The following ACTN4 variants were observed in gnomAD, a reference collection of about 807,000 sequenced individuals.
ACTN4 encodes alpha-actinin-4.
Under a neutral mutation model 114.2 loss-of-function variants are expected in ACTN4, and 18 were observed. The observed-to-expected ratio is 0.16, with a 90% confidence interval of 0.11 to 0.23. The LOEUF (loss-of-function observed/expected upper bound fraction) is 0.23, where lower values mean the gene tolerates loss of function less well. Among genes scored for constraint, ACTN4 ranks in the 10% least tolerant of loss-of-function variants. The probability of loss-of-function intolerance (pLI) is 1.00; values close to 1 mark genes in which losing one functional copy is unlikely to be tolerated. For missense variants in ACTN4, 722 were observed against 1,262.9 expected (o/e 0.57, Z 6.49); for synonymous variants, 515 against 506.3 (o/e 1.02, Z -0.23).
At chr19:38,718,264 C>T in intron 11 of ACTN4, 190 bp downstream of exon 11, 1 of 996,444 alleles carries the variant, frequency 1.0e-6, no homozygotes, top group Non-Finnish European at 1.5e-6. Context: ...CAGTGGCTCA[C>T]ACCTGTAATC....
Position 38,721,524 on chromosome 19 carries a change from T to C in ACTN4, c.1292-14T>C. On this transcript the variant is annotated splice_polypyrimidine_tract_variant and intron_variant, in intron 11 of 20. Transcript: ENST00000252699. The stretch of plus-strand genomic sequence containing the variant: ...TGCCGTGCTGTGGTCTAAGCGTCTC[T>C]CTGCTCCTACCAGGGAAGGAAGCCA... 1 of 1,613,636 alleles carries C rather than the reference T, an allele frequency of 6.2e-7. No homozygotes were observed. The highest frequency in any genetic ancestry group is 1.1e-5 in the South Asian group (1 of 91,086).
chr19:38,670,993 AC>A (rs1325171737), intron 1 of ACTN4, among the ~76,000 whole-genome samples: 1 of 150,584 alleles, frequency 6.6e-6, no homozygotes, highest in African/African-American at 2.4e-5. Flanking sequence ...CCCATTTGTG[AC>A]CCCTAACCTT....
At chr19:38,672,345 A>G (rs950325094) in intron 1 of ACTN4, among the ~76,000 whole-genome samples, 2 of 151,160 alleles carry the variant, frequency 1.3e-5, no homozygotes, top group African/African-American at 4.9e-5. Context: ...GGTTCAAGCA[A>G]TTCTCCTGCC....
At position 38,730,643 on chromosome 19, in the gene ACTN4, A is replaced by G. The variant is rs1216832346; in HGVS notation, c.*1211A>G. 2 of 630,914 alleles carry G rather than the reference A, an allele frequency of 3.2e-6. No individual in the cohort carries two copies. Among genetic ancestry groups the G allele is most frequent in the African/African-American group, 1.8e-5 (1 of 55,026 alleles). 39.1% of individuals were successfully genotyped at this position (630,914 alleles called of 1,614,324 possible). ...CTGTCAACGTGGACTAGCTCGTGTC[A>G]TCTGCTCGAGAAGGGCTGTCGCTGT... On this transcript the variant is annotated 3_prime_UTR_variant, in exon 21 of 21. Coordinates refer to ENST00000252699, the MANE Select transcript of ACTN4 (RefSeq NM_004924.6).
Position 38,730,090 on chromosome 19 carries a change from CAAAAA to C in ACTN4, c.*666_*670del, listed in dbSNP as rs74176458. On this transcript the variant is annotated 3_prime_UTR_variant, in exon 21 of 21. Transcript: ENST00000252699. ...CACGTGTCTCAGATTTTCTAAGAAC[CAAAAA>C]AAAAAAAGGAAAAAAAACACAAAAC... 1.8e-5 allele frequency: 1 copy of C among 55,210 alleles called. No individual in the cohort carries two copies. The highest frequency in any genetic ancestry group is 6.5e-5 in the African/African-American group (1 of 15,402). The allele number at this position is 55,210 out of a possible 1,614,324, so 3.4% of individuals were successfully genotyped here. A position where few individuals can be genotyped will look rare whatever the true frequency, so the allele number is the denominator to read the frequency against.
In ACTN4 at chr19:38,673,517, TTA is replaced by T. The variant is rs1302416290; in HGVS notation, c.162+25618_162+25619del. The stretch of plus-strand genomic sequence containing the variant: ...TATATTTATATATATGAATATATAT[TTA>T]TATATATTCATATATACTTATATAT... On this transcript the variant is annotated intron_variant, in intron 1 of 20. Transcript: ENST00000252699. Among the ~76,000 whole-genome samples the T allele has an allele frequency of 9.7e-4, 78 of 80,392 alleles. 2 individuals are homozygous for T. The highest frequency in any genetic ancestry group is 4.8e-3 in the Middle Eastern group (1 of 208). 52.7% of individuals were successfully genotyped at this position (80,392 alleles called of 152,430 possible). A position where few individuals can be genotyped will look rare whatever the true frequency, so the allele number is the denominator to read the frequency against.
At position 38,666,166 on chromosome 19, in the gene ACTN4, C is replaced by T. The variant is rs76204482; in HGVS notation, c.162+18259C>T. 8.6e-3 allele frequency among the ~76,000 whole-genome samples: 1,307 copies of T among 152,148 alleles called. 18 individuals carry two copies. Among genetic ancestry groups the T allele is most frequent in the African/African-American group, 0.03 (1,247 of 41,512 alleles). On this transcript the variant is annotated intron_variant, in intron 1 of 20. Coordinates refer to ENST00000252699, the MANE Select transcript of ACTN4 (RefSeq NM_004924.6). Reference sequence around the variant, plus strand: ...TCCATTCCCTTTTCCTCCTTCCTCCCGCGCCCCCCCCTTTCCTGGGGTCAC... The same window carrying T: ...TCCATTCCCTTTTCCTCCTTCCTCCTGCGCCCCCCCCTTTCCTGGGGTCAC...
chr19:38,707,645 CA>C (rs1373451503), intron 5 of ACTN4, among the ~76,000 whole-genome samples: 1 of 152,182 alleles, frequency 6.6e-6, no homozygotes, highest in African/African-American at 2.4e-5. Flanking sequence ...TCCTGTAAGT[CA>C]GGTCCGCCAG....
At position 38,729,832 on chromosome 19, in the gene ACTN4, C is replaced by CT. The variant is rs920242553; in HGVS notation, c.*402dup. On this transcript the variant is annotated 3_prime_UTR_variant, in exon 21 of 21. Transcript: ENST00000252699. Reference sequence around the variant, plus strand: ...CAATCCAGGCCAAAGCCCCATGTGCCTTGTCCAGGAACTGCCTGGGCCATG... The same window carrying CT: ...CAATCCAGGCCAAAGCCCCATGTGCCTTTGTCCAGGAACTGCCTGGGCCATG... 11 of 391,392 alleles carry CT rather than the reference C, an allele frequency of 2.8e-5. No individual in the cohort carries two copies. The highest frequency in any genetic ancestry group is 6.2e-5 in the African/African-American group (3 of 48,006). The allele number at this position is 391,392 out of a possible 1,614,324, so 24.2% of individuals were successfully genotyped here. A position where few individuals can be genotyped will look rare whatever the true frequency, so the allele number is the denominator to read the frequency against.
chr19:38,663,990 GTGT>G (rs1976972225), intron 1 of ACTN4, among the ~76,000 whole-genome samples: 1 of 152,224 alleles, frequency 6.6e-6, no homozygotes, highest in African/African-American at 2.4e-5. Flanking sequence ...CCCAAGCCCT[GTGT>G]CTCAGCCCCT....
chr19:38,681,586 C>G (rs572335244), intron 1 of ACTN4, among the ~76,000 whole-genome samples: 1 of 152,212 alleles, frequency 6.6e-6, no homozygotes, highest in African/African-American at 2.4e-5. Flanking sequence ...CACCACTGAT[C>G]GCAATCGCGC....
chr19:38,726,903 G>T (rs1194211019), intron 17 of ACTN4, 54 bp from the exon 18 acceptor site: 2 of 1,610,176 alleles, frequency 1.2e-6, no homozygotes, highest in African/African-American at 2.7e-5. Context: ...TGTGAACCAC[G>T]GTGAGGACAG....
Position 38,731,370 on chromosome 19 carries a change from G to A in ACTN4, c.*1938G>A. ...CATCCCGGCAGGGTGAGTACAGGCT[G>A]ATCCCTTCAATCCTCTGGGCCTGTT... On this transcript the variant is annotated 3_prime_UTR_variant, in exon 21 of 21. Coordinates refer to ENST00000252699, the MANE Select transcript of ACTN4 (RefSeq NM_004924.6). 1.5e-6 allele frequency: 1 copy of A among 660,396 alleles called. No individual in the cohort carries two copies. Among genetic ancestry groups the A allele is most frequent in the Non-Finnish European group, 2.7e-6 (1 of 365,386 alleles). The allele number at this position is 660,396 out of a possible 1,614,324, so 40.9% of individuals were successfully genotyped here.
chr19:38,649,252 G>A (rs1000739894), intron 1 of ACTN4, among the ~76,000 whole-genome samples: 1 of 135,116 alleles, frequency 7.4e-6, no homozygotes, highest in African/African-American at 2.7e-5. Flanking sequence ...TGGGATCCCC[G>A]AGCGAGGTGT....
rs1349928854 is a variant in ACTN4, at chr19:38,721,550, T to C, written c.1304T>C (p.Met435Thr). ...HEAWTDGKEA[M>T]LKHRDYETAT... ...CTGCTCCTACCAGGGAAGGAAGCCA[T>C]GCTGAAGCACCGGGACTACGAGACG... The change falls in exon 12 of 21, where the codon ATG becomes ACG. Residue 435 changes from methionine to threonine, a missense_variant. By Grantham distance (81) the Met-to-Thr change is moderately conservative. Coordinates refer to ENST00000252699, the MANE Select transcript of ACTN4 (RefSeq NM_004924.6). 3.1e-6 allele frequency: 5 copies of C among 1,613,834 alleles called. No homozygotes were observed. Among genetic ancestry groups the C allele is most frequent in the Non-Finnish European group, 4.2e-6 (5 of 1,180,018 alleles).
chr19:38,717,778 T>C lies in ACTN4; in HGVS notation c.1144-149T>C. ...GTACCTGCTGAGTGCTGGGGGGCCC[T>C]GTGTAGGCATCCAGGTATAATAGCA... On this transcript the variant is annotated intron_variant, in intron 10 of 20. Coordinates refer to ENST00000252699, the MANE Select transcript of ACTN4 (RefSeq NM_004924.6). This position sits in a 1 kb window ranked among gnomAD's most constrained non-coding sequence, Gnocchi z 4.0. 9.5e-7 allele frequency: 1 copy of C among 1,052,926 alleles called. No individual in the cohort carries two copies. 65.2% of individuals were successfully genotyped at this position (1,052,926 alleles called of 1,614,324 possible).
At position 38,729,399 on chromosome 19, in the gene ACTN4, C is replaced by G; in HGVS notation, c.2703C>G (p.Phe901Leu). 1 of 1,612,922 alleles carries G rather than the reference C, an allele frequency of 6.2e-7. No homozygotes were observed. The highest frequency in any genetic ancestry group is 8.5e-7 in the Non-Finnish European group (1 of 1,180,004). The stretch of plus-strand genomic sequence containing the variant: ...CCGGTGCCCTCGACTACAAGTCCTT[C>G]TCCACGGCCTTGTATGGCGAGAGCG... ...AVPGALDYKSFSTALYGESDL is the reference protein window; with the variant it reads ...AVPGALDYKSLSTALYGESDL Residue 901 changes from phenylalanine (F) to leucine (L), a missense_variant, in exon 21 of 21, where the codon TTC (phenylalanine) becomes TTG (leucine). Phe to Leu is a conservative substitution (Grantham distance 22). Coordinates refer to ENST00000252699, the MANE Select transcript of ACTN4 (RefSeq NM_004924.6).
chr19:38,648,496 A>G (rs2144808360), intron 1 of ACTN4, among the ~76,000 whole-genome samples: 1 of 151,862 alleles, frequency 6.6e-6, no homozygotes, highest in South Asian at 2.1e-4. Flanking sequence ...ACGGGTGGGA[A>G]GACTAGGGAG....
chr19:38,686,151 C>T (rs1967735356), intron 1 of ACTN4, among the ~76,000 whole-genome samples: 1 of 152,168 alleles, frequency 6.6e-6, no homozygotes, highest in South Asian at 2.1e-4. Flanking sequence ...AAATAACAAT[C>T]CCATCAGTGC....
Sources: allele counts gnomAD v4.1 joint callset (sites outside exome capture counted in the v4.1 genomes callset), GRCh38; gene constraint gnomAD v4.1.1; non-coding constraint Gnocchi (gnomAD v3.1); transcripts MANE v1.5; gene names NCBI Gene and HGNC (gene_info 2026-07-23, HGNC 2026-07-21).